IGSF10: variants seen among roughly 807,000 people sequenced by gnomAD.
IGSF10 encodes the protein calvaria mechanical force protein 608.
In IGSF10, 126 loss-of-function variants were observed where a neutral mutation model predicts 128.2. The ratio of observed to expected loss-of-function variants is 0.98; its 90% CI spans 0.85 to 1.14. The LOEUF (loss-of-function observed/expected upper bound fraction) is 1.14, where lower values mean the gene tolerates loss of function less well. IGSF10 is among the 50% of genes most tolerant of loss of function. The pLI, the probability that IGSF10 is intolerant of heterozygous loss-of-function variation, is 0.00. For missense variants in IGSF10, 3,295 were observed against 3,149.8 expected (o/e 1.05, Z -1.10); for synonymous variants, 1,185 against 1,146.2 (o/e 1.03, Z -0.68).
At chr3:151,479,244 A>AG in the IGSF10 span, among the ~76,000 whole-genome samples, 1 of 152,156 alleles carries the variant, frequency 6.6e-6, no homozygotes, top group Non-Finnish European at 1.5e-5. Context: ...TTAACAAGCT[A>AG]GGACAGATTT....
At chr3:151,595,495 T>A in the IGSF10 span, among the ~76,000 whole-genome samples, 14 of 149,154 alleles carry the variant, frequency 9.4e-5, no homozygotes, top group African/African-American at 3.4e-4. Flanking sequence ...TATAATATTA[T>A]ATATTTATAA....
the IGSF10 span, among the ~76,000 whole-genome samples, chr3:151,490,863 G>A: frequency 0.012 from 1,794 of 151,722 alleles, 93 homozygotes; most frequent in East Asian, 0.17. Context: ...AAAACTTATG[G>A]ATGAAGTAAG....
chr3:151,506,223 G>T, the IGSF10 span, among the ~76,000 whole-genome samples: 1 of 152,112 alleles, frequency 6.6e-6, no homozygotes, highest in Non-Finnish European at 1.5e-5. Flanking sequence ...AAAGTGCTGG[G>T]ATTATAGGCA....
In IGSF10 at chr3:151,437,136, G is replaced by GTC. The variant is rs1720370743; in HGVS notation, c.7423_7424dup (p.Asp2475GlufsTer18). The stretch of plus-strand genomic sequence containing the variant: ...TGTATTTCCCATTAATTTGAGGCCT[G>GTC]TCTACTACATAACCACTTGGCATAG... On this transcript the variant is annotated frameshift_variant, in exon 8 of 8. Coordinates refer to ENST00000282466, the MANE Select transcript of IGSF10 (RefSeq NM_178822.5). LOFTEE classifies it low-confidence loss of function (END_TRUNC). 5 of 1,613,998 alleles carry GTC rather than the reference G, an allele frequency of 3.1e-6. No homozygotes were observed. The highest frequency in any genetic ancestry group is 4.2e-6 in the Non-Finnish European group (5 of 1,180,010).
the IGSF10 span, among the ~76,000 whole-genome samples, chr3:151,568,482 A>G: frequency 6.6e-6 from 1 of 152,282 alleles, no homozygotes; most frequent in Admixed American, 6.5e-5. Flanking sequence ...GGACACAGAA[A>G]TGCCTGAATC....
chr3:151,477,834 C>T, the IGSF10 span, among the ~76,000 whole-genome samples: 1 of 152,204 alleles, frequency 6.6e-6, no homozygotes, highest in Non-Finnish European at 1.5e-5. Flanking sequence ...TTCTCTTTCA[C>T]AAGTCCCAAC....
chr3:151,533,840 A>C, the IGSF10 span, among the ~76,000 whole-genome samples: 1 of 152,242 alleles, frequency 6.6e-6, no homozygotes, highest in East Asian at 1.9e-4. Flanking sequence ...TTCACAGCAA[A>C]AGAAGCTATC....
At chr3:151,452,923 G>C (rs1301678575) in intron 5 of IGSF10, among the ~76,000 whole-genome samples, 1 of 152,008 alleles carries the variant, frequency 6.6e-6, no homozygotes, top group Non-Finnish European at 1.5e-5. Context: ...CCAGGCAGGG[G>C]CAGCAGCAGG....
chr3:151,599,679 T>C, the IGSF10 span, among the ~76,000 whole-genome samples: 2 of 152,254 alleles, frequency 1.3e-5, no homozygotes, highest in Non-Finnish European at 2.9e-5. Context: ...ATAATTCTTC[T>C]TGTTAGTAGA....
chr3:151,524,370 A>T, the IGSF10 span, among the ~76,000 whole-genome samples: 1 of 152,182 alleles, frequency 6.6e-6, no homozygotes. Context: ...AAAGACATGG[A>T]ATCAACCTAA....
chr3:151,618,412 A>C, the IGSF10 span, among the ~76,000 whole-genome samples: 2 of 152,220 alleles, frequency 1.3e-5, no homozygotes, highest in Non-Finnish European at 2.9e-5. Flanking sequence ...ACTATTTAGT[A>C]ATGGACATAA....
At chr3:151,505,941 T>G in the IGSF10 span, among the ~76,000 whole-genome samples, 1 of 41,708 alleles carries the variant, frequency 2.4e-5, no homozygotes, top group African/African-American at 1.2e-4. Context: ...CTGGCTTGCT[T>G]CTTCTTCCTT....
the IGSF10 span, among the ~76,000 whole-genome samples, chr3:151,571,525 T>G: frequency 1.3e-5 from 2 of 152,206 alleles, no homozygotes; most frequent in African/African-American, 4.8e-5. Flanking sequence ...TCTCTTTGTC[T>G]GTTATTGGTG....
chr3:151,541,234 A>G, the IGSF10 span, among the ~76,000 whole-genome samples: 1 of 152,206 alleles, frequency 6.6e-6, no homozygotes, highest in African/African-American at 2.4e-5. Flanking sequence ...ACAGTTATCT[A>G]AAACATATTT....
At chr3:151,515,846 G>C in the IGSF10 span, among the ~76,000 whole-genome samples, 1 of 151,526 alleles carries the variant, frequency 6.6e-6, no homozygotes, top group African/African-American at 2.4e-5. Flanking sequence ...CAAAACTTCA[G>C]GTACATCCCA....
At chr3:151,463,533 T>TTTGG (rs1338241422), upstream of IGSF10, among the ~76,000 whole-genome samples, 1 of 63,684 alleles carries the variant, frequency 1.6e-5, no homozygotes, top group African/African-American at 7.5e-5. Context: ...GTTTTTTTTT[T>TTTGG]TTTTTTTTTT....
At chr3:151,540,755 T>A in the IGSF10 span, among the ~76,000 whole-genome samples, 1 of 152,170 alleles carries the variant, frequency 6.6e-6, no homozygotes. Flanking sequence ...ACCAGCAGTG[T>A]ACAAAAATTC....
the IGSF10 span, among the ~76,000 whole-genome samples, chr3:151,597,024 A>C: frequency 6.6e-6 from 1 of 151,750 alleles, no homozygotes; most frequent in African/African-American, 2.4e-5. Flanking sequence ...TTTTTTCAGT[A>C]AATAAATAGA....
the IGSF10 span, among the ~76,000 whole-genome samples, chr3:151,472,961 G>C: frequency 5.7e-3 from 870 of 152,228 alleles, 9 homozygotes; most frequent in African/African-American, 0.02. Context: ...CAACTCAAAA[G>C]GACCCCTTCT....
Sources: gnomAD v4.1 joint callset for allele counts (sites outside exome capture counted in the v4.1 genomes callset) on GRCh38, gnomAD v4.1.1 for gene constraint, MANE v1.5 for transcripts, NCBI Gene and HGNC (gene_info 2026-07-23, HGNC 2026-07-21) for gene names.